The following HERPUD2 variants were observed in gnomAD, a reference collection of about 807,000 sequenced individuals.
HERPUD2 encodes the protein homocysteine-responsive endoplasmic reticulum-resident ubiquitin-like domain member 2 protein.
Under a neutral mutation model 49.9 loss-of-function variants are expected in HERPUD2, and 13 were observed. The observed-to-expected ratio is 0.26, with a 90% confidence interval of 0.17 to 0.41. The LOEUF (loss-of-function observed/expected upper bound fraction) is 0.41. Among genes scored for constraint, HERPUD2 ranks in the 10% least tolerant of loss-of-function variants. The probability of loss-of-function intolerance (pLI) is 1.00; values close to 1 mark genes in which losing one functional copy is unlikely to be tolerated. For synonymous variants in HERPUD2, 172 were observed against 171.4 expected (o/e 1.00, Z -0.03); for missense variants, 449 against 492.2 (o/e 0.91, Z 0.83).
intron 5 of HERPUD2, among the ~76,000 whole-genome samples, chr7:35,666,766 T>A (rs568529262): frequency 2.6e-5 from 4 of 152,322 alleles, no homozygotes; most frequent in Non-Finnish European, 5.9e-5. Flanking sequence ...CCTGCTGTAA[T>A]TGCTAAATAT....
chr7:35,674,560 T>C (rs1247026729), intron 2 of HERPUD2, among the ~76,000 whole-genome samples: 1 of 151,398 alleles, frequency 6.6e-6, no homozygotes, highest in East Asian at 1.9e-4. Flanking sequence ...TTCAGAAAGA[T>C]GAGTATCTTT....
chr7:35,634,849 G>A (rs1784844718), intron 7 of HERPUD2, among the ~76,000 whole-genome samples: 1 of 152,214 alleles, frequency 6.6e-6, no homozygotes, highest in South Asian at 2.1e-4. Flanking sequence ...TTATGCAGGA[G>A]TGCATCATAC....
intron 2 of HERPUD2, among the ~76,000 whole-genome samples, chr7:35,692,723 T>C (rs1334911692): frequency 6.6e-6 from 1 of 152,256 alleles, no homozygotes; most frequent in Non-Finnish European, 1.5e-5. Context: ...GTTGTTTTTC[T>C]AAACCTCCTG....
rs1304018482 is a variant in HERPUD2, at chr7:35,632,695, G to A, written c.*995C>T. On this transcript the variant is annotated 3_prime_UTR_variant, in exon 9 of 9. Transcript: ENST00000311350. ...TGACTTTTTATTTAAAAAATTACAC[G>A]GAGCAATTTCCAGCTTATCTTTTTT... 6.6e-6 allele frequency: 1 copy of A among 152,368 alleles called. No individual in the cohort carries two copies. Among genetic ancestry groups the A allele is most frequent in the Non-Finnish European group, 1.5e-5 (1 of 67,982 alleles). 9.4% of individuals were successfully genotyped at this position (152,368 alleles called of 1,614,324 possible).
chr7:35,635,236 C>A lies in HERPUD2; in HGVS notation c.840G>T (p.Met280Ile), dbSNP rs766390721. 7.4e-6 allele frequency: 12 copies of A among 1,613,924 alleles called. No individual in the cohort carries two copies. In the African/African-American group the frequency reaches 1.5e-4, roughly 20 times the overall value. ...GAATCGCAGCTCGTGAGAACGTGTA[C>A]ATCCAGTCTAGCCAGTCTCGATTGA... ...EDFNRDWLDW[M>I]YTFSRAAILL... Residue 280 changes from methionine (M) to isoleucine (I), a missense_variant, in exon 7 of 9, where the codon ATG becomes ATT. Met to Ile is a conservative substitution (Grantham distance 10). Transcript: ENST00000311350.
intron 4 of HERPUD2, among the ~76,000 whole-genome samples, chr7:35,668,755 T>C (rs1785589789): frequency 1.3e-5 from 2 of 152,158 alleles, no homozygotes; most frequent in Admixed American, 1.3e-4. Flanking sequence ...TGGGAAAGGT[T>C]TCTTTTTCAG....
chr7:35,694,673 C>T, intron 1 of HERPUD2, 46 bp from the exon 2 acceptor site: 1 of 268,080 alleles, frequency 3.7e-6, no homozygotes, highest in East Asian at 7.5e-5. Context: ...ACGGCCGGCC[C>T]GGGGTCACTG....
chr7:35,637,202 GA>G (rs1387105874), intron 6 of HERPUD2, among the ~76,000 whole-genome samples: 81 of 147,658 alleles, frequency 5.5e-4, no homozygotes, highest in African/African-American at 2.0e-3. Context: ...TAGATAGATA[GA>G]TAAAAGAAAT....
At chr7:35,674,753 C>A (rs1304812132) in intron 2 of HERPUD2, among the ~76,000 whole-genome samples, 1 of 150,764 alleles carries the variant, frequency 6.6e-6, no homozygotes, top group Admixed American at 6.6e-5. Context: ...GCCTACCTAA[C>A]GAAGCTTCCA....
rs145422627 is a variant in HERPUD2 at position 35,633,847 on chromosome 7, C to T, written c.1064G>A (p.Arg355His). Residue 355 changes from arginine (R) to histidine (H), a missense_variant, in exon 9 of 9, where the codon CGT (arginine) becomes CAT (histidine). By Grantham distance (29) the Arg-to-His change is conservative (BLOSUM62 0). Transcript: ENST00000311350. ...ATCTTCAAGCCCATCATCCATAAGACGCTCCTTTCAAGCAAAACAAGAAAG... is the reference window on the plus strand; with the variant it reads ...ATCTTCAAGCCCATCATCCATAAGATGCTCCTTTCAAGCAAAACAAGAAAG... ...ANNLELEEMERLMDDGLEDES... is the reference protein window; with the variant it reads ...ANNLELEEMEHLMDDGLEDES... 52 of 1,612,532 alleles carry T rather than the reference C, an allele frequency of 3.2e-5. No homozygotes were observed. The African/African-American group carries it at 4.7e-4, about 14-fold the overall frequency.
intron 5 of HERPUD2, among the ~76,000 whole-genome samples, chr7:35,662,498 T>C (rs1785445915): frequency 6.6e-6 from 1 of 152,240 alleles, no homozygotes; most frequent in Non-Finnish European, 1.5e-5. Context: ...TGAATCCGTC[T>C]GGTCTTGGAC....
intron 2 of HERPUD2, among the ~76,000 whole-genome samples, chr7:35,674,404 T>TAGAGAGAG (rs3999932): frequency 3.9e-4 from 15 of 38,122 alleles, no homozygotes; most frequent in Non-Finnish European, 5.7e-4. Context: ...TATATATATA[T>TAGAGAGAG]AGAGAGAGAG....
intron 2 of HERPUD2, among the ~76,000 whole-genome samples, chr7:35,690,612 C>G (rs1236195541): frequency 6.6e-6 from 1 of 152,100 alleles, no homozygotes; most frequent in African/African-American, 2.4e-5. Flanking sequence ...GACTTTGATA[C>G]CAGCCTGACC....
At chr7:35,678,158 G>A (rs1785806127) in intron 2 of HERPUD2, among the ~76,000 whole-genome samples, 2 of 151,876 alleles carry the variant, frequency 1.3e-5, no homozygotes, top group Admixed American at 6.6e-5. Flanking sequence ...GGCTGTGTAT[G>A]TTCATTATGC....
In HERPUD2 at chr7:35,670,100, C is replaced by T. The variant is rs532747685; in HGVS notation, c.339+115G>A. ...CTAACTTTAGTTCAAAACACAATCTCAAAATTCACAAGCTCCAATTGTTCT... is the reference window on the plus strand; with the variant it reads ...CTAACTTTAGTTCAAAACACAATCTTAAAATTCACAAGCTCCAATTGTTCT... On this transcript the variant is annotated intron_variant, in intron 4 of 8. Coordinates refer to ENST00000311350, the MANE Select transcript of HERPUD2 (RefSeq NM_022373.5). 5.9e-6 allele frequency: 3 copies of T among 506,992 alleles called. No individual in the cohort carries two copies. In the East Asian group the frequency reaches 9.2e-5, roughly 16 times the overall value. The allele number at this position is 506,992 out of a possible 1,614,324, so 31.4% of individuals were successfully genotyped here. A position where few individuals can be genotyped will look rare whatever the true frequency, so the allele number is the denominator to read the frequency against.
intron 5 of HERPUD2, among the ~76,000 whole-genome samples, chr7:35,640,995 C>T (rs1249334723): frequency 6.6e-6 from 1 of 152,122 alleles, no homozygotes. Context: ...GGAGGAAGGA[C>T]TTTCCTAACT....
intron 2 of HERPUD2, among the ~76,000 whole-genome samples, chr7:35,682,571 C>T (rs1486594735): frequency 6.6e-6 from 1 of 151,392 alleles, no homozygotes; most frequent in East Asian, 1.9e-4. Flanking sequence ...CCAGACCAAT[C>T]AGACAAGAGA....
chr7:35,660,242 G>A (rs185531714), intron 5 of HERPUD2, among the ~76,000 whole-genome samples: 6 of 152,294 alleles, frequency 3.9e-5, no homozygotes, highest in Admixed American at 3.9e-4. Flanking sequence ...ATTCCATGGT[G>A]TATATGTGCC....
chr7:35,674,379 C>CATA (rs1785705068), intron 2 of HERPUD2, among the ~76,000 whole-genome samples: 3 of 42,968 alleles, frequency 7.0e-5, no homozygotes, highest in Non-Finnish European at 1.2e-4. Flanking sequence ...GTCTTACAAC[C>CATA]TATATATATA....
Sources: allele counts gnomAD v4.1 joint callset (sites outside exome capture counted in the v4.1 genomes callset), GRCh38; gene constraint gnomAD v4.1.1; transcripts MANE v1.5; gene names NCBI Gene and HGNC (gene_info 2026-07-23, HGNC 2026-07-21).